CKAP2: variants seen among roughly 807,000 people sequenced by gnomAD.
CKAP2 encodes the protein cytoskeleton-associated protein 2.
A neutral mutation model predicts 58.4 loss-of-function variants in CKAP2; 46 were observed. The observed-to-expected ratio is 0.79, with a 90% CI of 0.62 to 1.01. The LOEUF is 1.01. CKAP2 is among the 50% of genes least tolerant of loss of function. The probability of loss-of-function intolerance (pLI) is 0.00; values close to 1 mark genes in which losing one functional copy is unlikely to be tolerated. For missense variants in CKAP2, 809 were observed against 796.4 expected, an observed-to-expected ratio of 1.02 and a Z score of -0.19; for synonymous variants, 293 against 280.9, an observed-to-expected ratio of 1.04 and a Z score of -0.43.
intron 7 of CKAP2, 102 bp from the exon 8 acceptor site, chr13:52,473,727 T>C: frequency 9.2e-7 from 1 of 1,082,714 alleles, no homozygotes; most frequent in African/African-American, 1.6e-5. Flanking sequence ...AATCGTGTTC[T>C]TTTATTTTGA....
chr13:52,470,436 A>G (rs188048628), intron 7 of CKAP2, among the ~76,000 whole-genome samples: 252 of 152,254 alleles, frequency 1.7e-3, no homozygotes, highest in African/African-American at 5.8e-3. Flanking sequence ...CTCCTGATAC[A>G]TGCTGCCAGA....
Position 52,465,389 on chromosome 13 carries a change from C to T in CKAP2, c.1400C>T (p.Ala467Val). 1 of 1,613,222 alleles carries T rather than the reference C, an allele frequency of 6.2e-7. No homozygotes were observed. Among genetic ancestry groups the T allele is most frequent in the Non-Finnish European group, 8.5e-7 (1 of 1,179,364 alleles). The change falls in exon 6 of 9, where the codon GCA becomes GTA. Residue 467 changes from alanine to valine, a missense_variant. Ala to Val is a moderately conservative substitution (Grantham distance 64). This residue lies in a region of CKAP2 where 283 missense variants were observed against 287.6 expected (regional missense o/e 0.98). Transcript: ENST00000258607. The part of the protein sequence containing the change: ...KKLVKYWICL[A>V]LIEPITSPIE... ...CTTGTTAAGTATTGGATATGTCTTG[C>T]ACTTATTGAACCAATCACAAGTCCT...
chr13:52,458,155 T>C (rs1289793532), intron 2 of CKAP2, among the ~76,000 whole-genome samples: 2 of 152,166 alleles, frequency 1.3e-5, no homozygotes, highest in Non-Finnish European at 2.9e-5. Context: ...AAGGTGATCC[T>C]AGGTTTTTTA....
chr13:52,457,030 C>T (rs1257441483), intron 2 of CKAP2, among the ~76,000 whole-genome samples: 1 of 152,006 alleles, frequency 6.6e-6, no homozygotes, highest in African/African-American at 2.4e-5. Flanking sequence ...ATACCTGGGA[C>T]TGACTACAGG....
chr13:52,472,659 C>G (rs536634390), intron 7 of CKAP2, among the ~76,000 whole-genome samples: 41 of 152,216 alleles, frequency 2.7e-4, no homozygotes, highest in Admixed American at 8.5e-4. Flanking sequence ...AAAAACTCTT[C>G]TCTGGCATTT....
chr13:52,474,459 A>T (rs965643406), intron 8 of CKAP2, among the ~76,000 whole-genome samples: 2 of 152,224 alleles, frequency 1.3e-5, no homozygotes, highest in Non-Finnish European at 2.9e-5. Context: ...ACTGTCCTCC[A>T]GCCTGGATGA....
chr13:52,455,830 T>C (rs1446240037), intron 1 of CKAP2: 6 of 809,220 alleles, frequency 7.4e-6, no homozygotes, highest in South Asian at 6.8e-5. Flanking sequence ...GTGGTGTTAC[T>C]GTGCGGTCGC....
rs760012539 is a variant in CKAP2, at chr13:52,462,444, T to A, written c.1182T>A (p.Pro394=). ...PPNSVVTQHE[P]AGQNEKPVGS... is the part of the protein sequence containing the mutation. ...ATTCAGTAGTTACTCAGCATGAGCC[T>A]GCAGGACAAAATGAAAAACCAGTTG... The change falls in exon 5 of 9, where the codon CCT becomes CCA. Residue 394 remains proline, a synonymous_variant. Transcript: ENST00000258607. 2 of 1,614,150 alleles carry A rather than the reference T, an allele frequency of 1.2e-6. No homozygotes were observed. Among genetic ancestry groups the A allele is most frequent in the Non-Finnish European group, 8.5e-7 (1 of 1,180,008 alleles).
intron 8 of CKAP2, 123 bp downstream of exon 8, chr13:52,474,207 C>A: frequency 2.0e-6 from 2 of 990,512 alleles, no homozygotes; most frequent in Non-Finnish European, 1.5e-6. Flanking sequence ...AATTTCAGTA[C>A]GGGCATGGTG....
At position 52,475,251 on chromosome 13, in the gene CKAP2, C is replaced by G; in HGVS notation, c.*110C>G. The G allele has an allele frequency of 7.5e-7, 1 of 1,327,776 alleles. No individual in the cohort carries two copies. The highest frequency in any genetic ancestry group is 1.0e-6 in the Non-Finnish European group (1 of 977,530). The allele number at this position is 1,327,776 out of a possible 1,614,324, so 82.2% of individuals were successfully genotyped here. ...TGGAGTTGGCCATGTACCTATGTAT[C>G]CTAAGCATTCACGGCAGTGAGCTCC... is the stretch of plus-strand genomic sequence containing the variant. On this transcript the variant is annotated 3_prime_UTR_variant, in exon 9 of 9. Transcript: ENST00000258607.
In CKAP2 at chr13:52,475,387, A is replaced by G. The variant is rs1594147138; in HGVS notation, c.*246A>G. The G allele has an allele frequency of 2.3e-6, 1 of 443,316 alleles. No homozygotes were observed. The highest frequency in any genetic ancestry group is 3.6e-5 in the East Asian group (1 of 27,524). 27.5% of individuals were successfully genotyped at this position (443,316 alleles called of 1,614,324 possible). The stretch of plus-strand genomic sequence containing the variant: ...TTCTTTAAGAAAGGTAAATTTTGTC[A>G]GCTAGTTTACTATGTTCCTTGAATA... On this transcript the variant is annotated 3_prime_UTR_variant, in exon 9 of 9. Coordinates refer to ENST00000258607, the MANE Select transcript of CKAP2 (RefSeq NM_018204.5).
chr13:52,458,857 CAA>C (rs900395744), intron 2 of CKAP2, among the ~76,000 whole-genome samples: 26 of 98,356 alleles, frequency 2.6e-4, no homozygotes, highest in Non-Finnish European at 2.4e-4. Context: ...GACTTTGTCT[CAA>C]AAAAAAAAAA....
chr13:52,474,493 CAAAAA>C (rs888270765), intron 8 of CKAP2, among the ~76,000 whole-genome samples: 2 of 151,876 alleles, frequency 1.3e-5, no homozygotes, highest in Non-Finnish European at 2.9e-5. Flanking sequence ...TGTCTCAAAA[CAAAAA>C]AGAAAACAGA....
intron 5 of CKAP2, 79 bp downstream of exon 5, chr13:52,462,646 CAGT>C: frequency 8.5e-7 from 1 of 1,170,152 alleles, no homozygotes; most frequent in East Asian, 2.4e-5. Context: ...ATTATATTGT[CAGT>C]CTTTTTGACC....
At chr13:52,474,338 T>C (rs1034167382) in intron 8 of CKAP2, among the ~76,000 whole-genome samples, 14 of 151,690 alleles carry the variant, frequency 9.2e-5, no homozygotes, top group African/African-American at 2.7e-4. Flanking sequence ...ATAAAAAAAA[T>C]TTTGGCTGGG....
chr13:52,455,932 G>C, intron 1 of CKAP2: 8 of 1,156,834 alleles, frequency 6.9e-6, no homozygotes, highest in Non-Finnish European at 8.5e-6. Flanking sequence ...GAGACCCTGG[G>C]TCCGCTTGGG....
chr13:52,458,857 C>CAAA (rs900395744), intron 2 of CKAP2, among the ~76,000 whole-genome samples: 1 of 98,490 alleles, frequency 1.0e-5, no homozygotes, highest in African/African-American at 3.6e-5. Context: ...GACTTTGTCT[C>CAAA]AAAAAAAAAA....
In CKAP2 at chr13:52,461,788, T is replaced by TTG; in HGVS notation, c.963_964insGT (p.Ile322ValfsTer2). 1 of 1,614,094 alleles carries TTG rather than the reference T, an allele frequency of 6.2e-7. No homozygotes were observed. Among genetic ancestry groups the TTG allele is most frequent in the Non-Finnish European group, 8.5e-7 (1 of 1,179,964 alleles). On this transcript the variant is annotated frameshift_variant, in exon 4 of 9. Coordinates refer to ENST00000258607, the MANE Select transcript of CKAP2 (RefSeq NM_018204.5). LOFTEE classifies it high-confidence loss of function. ...CTATCAAGATCCATAGCATCTGAAG[T>TTG]TATAGCCAGGCCTGCTTCATTGTCT... is the stretch of plus-strand genomic sequence containing the variant.
At position 52,456,510 on chromosome 13, in the gene CKAP2, C is replaced by G; in HGVS notation, c.71-13C>G. The G allele has an allele frequency of 6.3e-7, 1 of 1,592,146 alleles. No individual in the cohort carries two copies. The highest frequency in any genetic ancestry group is 2.2e-5 in the East Asian group (1 of 44,732). On this transcript the variant is annotated splice_polypyrimidine_tract_variant and intron_variant, in intron 1 of 8. Transcript: ENST00000258607. The stretch of plus-strand genomic sequence containing the variant: ...ACTAATATTGACTTGTAGCTCTTAC[C>G]TTTGTTATCTAGAGCAAAGAAGACA...
Sources: allele counts gnomAD v4.1 joint callset (sites outside exome capture counted in the v4.1 genomes callset), GRCh38; gene constraint gnomAD v4.1.1; regional missense constraint gnomAD v4.1.1; transcripts MANE v1.5; gene names NCBI Gene and HGNC (gene_info 2026-07-23, HGNC 2026-07-21).